Variants in RFTN1 observed in about 807,000 individuals in gnomAD.
RFTN1 encodes raftlin, lipid raft linker 1.
A neutral mutation model predicts 46.5 loss-of-function variants in RFTN1; 26 were observed. The ratio of observed to expected loss-of-function variants is 0.56; its 90% CI spans 0.41 to 0.78. The LOEUF (loss-of-function observed/expected upper bound fraction) is 0.78, where lower values mean the gene tolerates loss of function less well. Among genes scored for constraint, RFTN1 ranks in the 30% least tolerant of loss-of-function variants. RFTN1 has a pLI of 0.00. For missense variants in RFTN1, 693 were observed against 718.7 expected, an observed-to-expected ratio of 0.96 and a Z score of 0.41; for synonymous variants, 261 against 284.2, an observed-to-expected ratio of 0.92 and a Z score of 0.82.
chr3:16,493,254 C>G (rs2076569984), intron 2 of RFTN1, among the ~76,000 whole-genome samples: 1 of 148,316 alleles, frequency 6.7e-6, no homozygotes, highest in Non-Finnish European at 1.5e-5. Context: ...TTTTTTGAGA[C>G]AGAGTCTCGC....
chr3:16,407,333 C>G lies in RFTN1; in HGVS notation c.441+2042G>C, dbSNP rs756402095. On this transcript the variant is annotated intron_variant, in intron 4 of 9. Coordinates refer to ENST00000334133, the MANE Select transcript of RFTN1 (RefSeq NM_015150.2). This position sits in a 1 kb window ranked among gnomAD's most constrained non-coding sequence, Gnocchi z 4.0. ...GAGTAGCTAGGACTATAGTCAAGCACCACCATGCTCGGCTTTTTAAAGAGA... is the reference window on the plus strand; with the variant it reads ...GAGTAGCTAGGACTATAGTCAAGCAGCACCATGCTCGGCTTTTTAAAGAGA... Among the ~76,000 whole-genome samples the G allele has an allele frequency of 3.9e-5, 6 of 152,062 alleles. No homozygotes were observed. The highest frequency in any genetic ancestry group is 7.4e-5 in the Non-Finnish European group (5 of 68,018).
chr3:16,511,963 G>T (rs1212976144), intron 1 of RFTN1, among the ~76,000 whole-genome samples: 1 of 152,094 alleles, frequency 6.6e-6, no homozygotes, highest in Non-Finnish European at 1.5e-5. Context: ...AGGATGACGT[G>T]CCAGCTCTGG....
intron 4 of RFTN1, among the ~76,000 whole-genome samples, chr3:16,405,937 C>A (rs543772240): frequency 1.9e-4 from 29 of 152,096 alleles, no homozygotes; most frequent in Non-Finnish European, 3.5e-4. Flanking sequence ...GCCAATGACA[C>A]AGCTTCATCT....
intron 4 of RFTN1, among the ~76,000 whole-genome samples, chr3:16,386,704 G>A (rs1252547784): frequency 6.6e-6 from 1 of 152,180 alleles, no homozygotes; most frequent in African/African-American, 2.4e-5. Flanking sequence ...GACATGATCA[G>A]GCCTGTCCTA....
chr3:16,378,014 G>A lies in RFTN1; in HGVS notation c.530C>T (p.Pro177Leu), dbSNP rs368097786. ...SSVNSAGSSA[P>L]VSTANSTEDA... is the part of the protein sequence containing the mutation. ...CTCGGTGCTGTTGGCAGTAGACACC[G>A]GAGCACTGCTGCCTGCCGAGTTCAC... Residue 177 changes from proline to leucine, a missense_variant, in exon 5 of 10, where the codon CCG becomes CTG. By Grantham distance (98) the Pro-to-Leu change is moderately conservative (BLOSUM62 -3). Transcript: ENST00000334133. The A allele has an allele frequency of 6.8e-6, 11 of 1,614,102 alleles. No homozygotes were observed. The Admixed American group carries it at 8.3e-5, about 12-fold the overall frequency.
intron 4 of RFTN1, among the ~76,000 whole-genome samples, chr3:16,405,803 T>C (rs2074843269): frequency 6.6e-6 from 1 of 152,188 alleles, no homozygotes; most frequent in South Asian, 2.1e-4. Flanking sequence ...TCCTGCATGA[T>C]GGTACTATGA....
At chr3:16,456,505 G>A (rs1244939205) in intron 2 of RFTN1, among the ~76,000 whole-genome samples, 2 of 152,032 alleles carry the variant, frequency 1.3e-5, no homozygotes, top group Non-Finnish European at 2.9e-5. Context: ...TGTAAACTCA[G>A]GTATGTTAGG....
chr3:16,464,399 A>G (rs2076055366), intron 2 of RFTN1, among the ~76,000 whole-genome samples: 1 of 152,080 alleles, frequency 6.6e-6, no homozygotes, highest in African/African-American at 2.4e-5. Flanking sequence ...CATTGTTTCA[A>G]CACTTCCCAG....
intron 3 of RFTN1, among the ~76,000 whole-genome samples, chr3:16,432,356 C>A (rs9883798): frequency 0.33 from 50,236 of 151,764 alleles, 8,524 homozygotes; most frequent in South Asian, 0.44. Context: ...GGTCTCTACC[C>A]AAAATAAAAA....
At position 16,341,515 on chromosome 3, in the gene RFTN1, T is replaced by C. The variant is rs765843568; in HGVS notation, c.1147-14639A>G. Among the ~76,000 whole-genome samples, 1 of 152,210 alleles carries C rather than the reference T, an allele frequency of 6.6e-6. No homozygotes were observed. Among genetic ancestry groups the C allele is most frequent in the Non-Finnish European group, 1.5e-5 (1 of 68,038 alleles). On this transcript the variant is annotated intron_variant, in intron 7 of 9. Coordinates refer to ENST00000334133, the MANE Select transcript of RFTN1 (RefSeq NM_015150.2). This position sits in a 1 kb window ranked among gnomAD's most constrained non-coding sequence, Gnocchi z 4.7. ...GAGATGGAGGAGCCTTAAATCCATATTACTAAGTGAAAGAAGCCAACTGGA... is the reference window on the plus strand; with the variant it reads ...GAGATGGAGGAGCCTTAAATCCATACTACTAAGTGAAAGAAGCCAACTGGA...
rs545487763 is a variant in RFTN1, at chr3:16,455,559, T to C, written c.146-21522A>G. ...GAAAATTCTAAATAGGGGAGCATTC[T>C]GCCCACAAGTTTTGTTAGGAGAGGA... On this transcript the variant is annotated intron_variant, in intron 2 of 9. Transcript: ENST00000334133. Among the ~76,000 whole-genome samples, 6 of 152,316 alleles carry C rather than the reference T, an allele frequency of 3.9e-5. No homozygotes were observed. In the South Asian group the frequency reaches 8.3e-4, roughly 21 times the overall value.
chr3:16,495,606 G>A (rs757642592), intron 1 of RFTN1, among the ~76,000 whole-genome samples: 1 of 152,312 alleles, frequency 6.6e-6, no homozygotes, highest in Non-Finnish European at 1.5e-5. Context: ...ATTTGATGAC[G>A]TAGAGATGGA....
chr3:16,322,430 G>A lies in RFTN1; in HGVS notation c.1332+946C>T, dbSNP rs565221443. 2.0e-5 allele frequency among the ~76,000 whole-genome samples: 3 copies of A among 152,330 alleles called. No homozygotes were observed. The highest frequency in any genetic ancestry group is 2.1e-4 in the South Asian group (1 of 4,826). On this transcript the variant is annotated intron_variant, in intron 9 of 9. Transcript: ENST00000334133. The surrounding 1 kb of genome is among the most constrained non-coding windows in gnomAD (Gnocchi z 6.2). ...GTCCAAAGAACATGAGGAACCAAGC[G>A]TGAGGAATGCAGGAGTGATGCCAGG...
intron 4 of RFTN1, among the ~76,000 whole-genome samples, chr3:16,390,713 A>G (rs1205029807): frequency 6.6e-6 from 1 of 152,144 alleles, no homozygotes; most frequent in African/African-American, 2.4e-5. Context: ...AAATATATCC[A>G]TCTGTGTTAT....
rs1169549232 is a variant in RFTN1 at position 16,322,735 on chromosome 3, T to A, written c.1332+641A>T. Among the ~76,000 whole-genome samples the A allele has an allele frequency of 6.6e-6, 1 of 152,026 alleles. No homozygotes were observed. The highest frequency in any genetic ancestry group is 1.9e-4 in the East Asian group (1 of 5,180). On this transcript the variant is annotated intron_variant, in intron 9 of 9. Transcript: ENST00000334133. The surrounding 1 kb of genome is among the most constrained non-coding windows in gnomAD (Gnocchi z 6.2). Reference sequence around the variant, plus strand: ...AACCTTCAGGAATCACAGAGAAGACTCTCTGAGAAGGCCAGTCTCTGTGCG... The same window carrying A: ...AACCTTCAGGAATCACAGAGAAGACACTCTGAGAAGGCCAGTCTCTGTGCG...
Position 16,513,459 on chromosome 3 carries a change from GGAGAAGGCGCGGTCGCGGGCTCCCT to G in RFTN1, c.-51_-27del, listed in dbSNP as rs1693761600. The stretch of plus-strand genomic sequence containing the variant: ...CCGCCTACCGTATGGGACCGGCGGA[GGAGAAGGCGCGGTCGCGGGCTCCCT>G]GAGGCAGCGTGTTCCGTCCCGGGAG... On this transcript the variant is annotated 5_prime_UTR_variant, in exon 1 of 10. The change abolishes the stop of an existing upstream ORF in the 5' untranslated region. Transcript: ENST00000334133. This position sits in a 1 kb window ranked among gnomAD's most constrained non-coding sequence, Gnocchi z 5.4. The G allele has an allele frequency of 6.6e-6, 1 of 152,120 alleles. No homozygotes were observed. The highest frequency in any genetic ancestry group is 2.4e-5 in the African/African-American group (1 of 41,354). 9.4% of individuals were successfully genotyped at this position (152,120 alleles called of 1,614,324 possible).
In RFTN1 at chr3:16,352,707, A is replaced by C. The variant is rs902070594; in HGVS notation, c.1146+5225T>G. 6.6e-6 allele frequency among the ~76,000 whole-genome samples: 1 copy of C among 152,212 alleles called. No individual in the cohort carries two copies. Among genetic ancestry groups the C allele is most frequent in the African/African-American group, 2.4e-5 (1 of 41,464 alleles). On this transcript the variant is annotated intron_variant, in intron 7 of 9. Coordinates refer to ENST00000334133, the MANE Select transcript of RFTN1 (RefSeq NM_015150.2). The surrounding 1 kb of genome is among the most constrained non-coding windows in gnomAD (Gnocchi z 4.6). ...AAGCAGTATGTAGTGAGGGCTTACT[A>C]TGTGCCCAGTCCTACATTCACAACT... is the stretch of plus-strand genomic sequence containing the variant.
At position 16,500,748 on chromosome 3, in the gene RFTN1, T is replaced by C. The variant is rs564795035; in HGVS notation, c.-8-6871A>G. Among the ~76,000 whole-genome samples the C allele has an allele frequency of 6.6e-6, 1 of 152,300 alleles. No individual in the cohort carries two copies. The highest frequency in any genetic ancestry group is 6.5e-5 in the Admixed American group (1 of 15,306). ...CTTCTTACAGGAGCTATCAGTTCCA[T>C]GAGGGAGGGAAATTATGTTCCAAAT... is the stretch of plus-strand genomic sequence containing the variant. On this transcript the variant is annotated intron_variant, in intron 1 of 9. Coordinates refer to ENST00000334133, the MANE Select transcript of RFTN1 (RefSeq NM_015150.2). This position sits in a 1 kb window ranked among gnomAD's most constrained non-coding sequence, Gnocchi z 5.9.
intron 2 of RFTN1, among the ~76,000 whole-genome samples, chr3:16,477,466 G>A (rs934592916): frequency 2.6e-5 from 4 of 152,168 alleles, no homozygotes; most frequent in Non-Finnish European, 4.4e-5. Context: ...ATAATTTGAT[G>A]CTTATTTTTA....
Sources: gnomAD v4.1 joint callset for allele counts (sites outside exome capture counted in the v4.1 genomes callset) on GRCh38, gnomAD v4.1.1 for gene constraint, Gnocchi (gnomAD v3.1) non-coding constraint, MANE v1.5 for transcripts, NCBI Gene and HGNC (gene_info 2026-07-23, HGNC 2026-07-21) for gene names.